NCKAP1: variants seen among roughly 807,000 people sequenced by gnomAD.
NCKAP1 encodes the protein nck-associated protein 1.
A neutral mutation model predicts 151.2 loss-of-function variants in NCKAP1; 21 were observed. The observed-to-expected ratio is 0.14, with a 90% CI of 0.10 to 0.20. The LOEUF is 0.20. Among genes scored for constraint, NCKAP1 ranks in the 10% least tolerant of loss-of-function variants. The pLI is 1.00. For missense variants in NCKAP1, 933 were observed against 1,352.1 expected (o/e 0.69, Z 4.86); for synonymous variants, 484 against 451.8 (o/e 1.07, Z -0.90).
intron 15 of NCKAP1, among the ~76,000 whole-genome samples, chr2:182,971,122 C>T (rs934571593): frequency 3.3e-5 from 5 of 152,144 alleles, no homozygotes; most frequent in South Asian, 2.1e-4. Context: ...CGGCCGGGCG[C>T]GGTGGCTCAC....
At chr2:182,931,301 T>C (rs1559070401) in intron 26 of NCKAP1, among the ~76,000 whole-genome samples, 3 of 152,114 alleles carry the variant, frequency 2.0e-5, no homozygotes, top group Non-Finnish European at 2.9e-5. Context: ...AATTTTTCTG[T>C]ATCACATATA....
chr2:183,037,702 C>T (rs1699130341), intron 1 of NCKAP1, among the ~76,000 whole-genome samples: 1 of 152,196 alleles, frequency 6.6e-6, no homozygotes, highest in Non-Finnish European at 1.5e-5. Flanking sequence ...GGACAGCTCC[C>T]GGCTCCCAGC....
At chr2:182,984,035 A>G (rs1164645079) in intron 10 of NCKAP1, among the ~76,000 whole-genome samples, 1 of 138,108 alleles carries the variant, frequency 7.2e-6, no homozygotes, top group East Asian at 2.3e-4. Context: ...CACCTCAAAA[A>G]AAAAAAAAAA....
At position 182,916,190 on chromosome 2, in the gene NCKAP1, A is replaced by G. The variant is rs959432507; in HGVS notation, c.*9512T>C. 5 of 151,528 alleles carry G rather than the reference A, an allele frequency of 3.3e-5. No individual in the cohort carries two copies. Among genetic ancestry groups the G allele is most frequent in the African/African-American group, 1.2e-4 (5 of 41,272 alleles). 9.4% of individuals were successfully genotyped at this position (151,528 alleles called of 1,614,324 possible). Reference sequence around the variant, plus strand: ...CTGTCAAAAAAAAAAAAAAAAAAAAAACATGTCTCTGTGTCATCACTGAGC... The same window carrying G: ...CTGTCAAAAAAAAAAAAAAAAAAAAGACATGTCTCTGTGTCATCACTGAGC... On this transcript the variant is annotated 3_prime_UTR_variant, in exon 31 of 31. Coordinates refer to ENST00000361354, the MANE Select transcript of NCKAP1 (RefSeq NM_013436.5).
chr2:182,916,216 T>G lies in NCKAP1; in HGVS notation c.*9486A>C, dbSNP rs1178819403. The G allele has an allele frequency of 6.8e-6, 1 of 147,640 alleles. No homozygotes were observed. The highest frequency in any genetic ancestry group is 6.8e-5 in the Admixed American group (1 of 14,802). The allele number at this position is 147,640 out of a possible 1,614,324, so 9.1% of individuals were successfully genotyped here. A position where few individuals can be genotyped will look rare whatever the true frequency, so the allele number is the denominator to read the frequency against. ...ACATGTCTCTGTGTCATCACTGAGC[T>G]GCTGCTATTACAGGTGTAGAAATCC... On this transcript the variant is annotated 3_prime_UTR_variant, in exon 31 of 31. Transcript: ENST00000361354.
In NCKAP1 at chr2:182,919,395, T is replaced by C. The variant is rs1696514941; in HGVS notation, c.*6307A>G. ...TTTGCAAGATCTAACAGTTAAATGG[T>C]TAAATGACTACCTACTTCAATGTGC... On this transcript the variant is annotated 3_prime_UTR_variant, in exon 31 of 31. Transcript: ENST00000361354. 6.6e-6 allele frequency: 1 copy of C among 152,194 alleles called. No individual in the cohort carries two copies. The allele number at this position is 152,194 out of a possible 1,614,324, so 9.4% of individuals were successfully genotyped here.
rs77528039 is a variant in NCKAP1 at position 182,973,185 on chromosome 2, T to A, written c.1482+3708A>T. Reference sequence around the variant, plus strand: ...TACAACTATTATGTATTCATAAAAATTTAAAATTAAAAAAATTAAATCAGA... The same window carrying A: ...TACAACTATTATGTATTCATAAAAAATTAAAATTAAAAAAATTAAATCAGA... On this transcript the variant is annotated intron_variant, in intron 15 of 30. Transcript: ENST00000361354. Among the ~76,000 whole-genome samples the A allele has an allele frequency of 2.8e-4, 42 of 152,106 alleles. No individual in the cohort carries two copies. The East Asian group carries it at 6.6e-3, about 24-fold the overall frequency.
intron 2 of NCKAP1, among the ~76,000 whole-genome samples, chr2:183,018,021 G>C (rs1437537067): frequency 6.6e-6 from 1 of 152,168 alleles, no homozygotes; most frequent in East Asian, 1.9e-4. Context: ...GGCTGGGGCG[G>C]ACGGATTGCC....
chr2:183,000,748 T>A (rs964225380), intron 6 of NCKAP1, among the ~76,000 whole-genome samples: 1 of 152,124 alleles, frequency 6.6e-6, no homozygotes, highest in Non-Finnish European at 1.5e-5. Context: ...AGAATTTTCA[T>A]GGGAGTAAAA....
intron 2 of NCKAP1, among the ~76,000 whole-genome samples, chr2:183,007,120 G>A (rs902899930): frequency 1.3e-5 from 2 of 152,084 alleles, no homozygotes; most frequent in African/African-American, 4.8e-5. Flanking sequence ...TGATCCTCCC[G>A]CCTCGGCCTC....
chr2:183,024,810 G>C (rs1055077290), intron 1 of NCKAP1, among the ~76,000 whole-genome samples: 9 of 152,050 alleles, frequency 5.9e-5, no homozygotes, highest in Non-Finnish European at 7.4e-5. Flanking sequence ...GTGTCCTTTG[G>C]AAAGTTACAT....
At chr2:182,936,537 A>G (rs549278707) in intron 24 of NCKAP1, among the ~76,000 whole-genome samples, 1 of 152,282 alleles carries the variant, frequency 6.6e-6, no homozygotes, top group South Asian at 2.1e-4. Context: ...AAATTTCTGG[A>G]AAGAGATGTA....
intron 19 of NCKAP1, 30 bp downstream of exon 19, chr2:182,957,427 C>G (rs1475569553): frequency 3.8e-6 from 6 of 1,584,168 alleles, no homozygotes; most frequent in East Asian, 4.5e-5. Context: ...TTACCTGGAG[C>G]AAAAAGGTAT....
chr2:182,950,866 T>A (rs1054271490), intron 23 of NCKAP1, among the ~76,000 whole-genome samples: 2 of 152,108 alleles, frequency 1.3e-5, no homozygotes, highest in African/African-American at 4.8e-5. Context: ...AGAGTCTCAC[T>A]CTGTCATGCA....
intron 8 of NCKAP1, among the ~76,000 whole-genome samples, chr2:182,990,027 G>A (rs537445123): frequency 6.6e-6 from 1 of 150,392 alleles, no homozygotes; most frequent in African/African-American, 2.4e-5. Flanking sequence ...TATATAATAT[G>A]CATACATACA....
In NCKAP1 at chr2:183,038,045, T is replaced by C. The variant is rs764799282; in HGVS notation, c.55A>G (p.Ile19Val). ...SQQKLAEKLTILNDRGVGMLT... is the reference protein window; with the variant it reads ...SQQKLAEKLTVLNDRGVGMLT... ...ATGCCGACGCCCCGGTCGTTGAGGA[T>C]GGTGAGCTTCTCCGCCAGCTTCTGC... Residue 19 changes from isoleucine to valine, a missense_variant, in exon 1 of 31, where the codon ATC (isoleucine) becomes GTC (valine). Transcript: ENST00000361354. The C allele has an allele frequency of 5.0e-6, 8 of 1,587,812 alleles. No individual in the cohort carries two copies. Among genetic ancestry groups the C allele is most frequent in the South Asian group, 1.1e-5 (1 of 89,432 alleles).
intron 23 of NCKAP1, among the ~76,000 whole-genome samples, chr2:182,950,917 C>T (rs1191943209): frequency 6.6e-6 from 1 of 152,028 alleles, no homozygotes; most frequent in African/African-American, 2.4e-5. Context: ...ACTGCAACCT[C>T]CGCCTCCCGG....
At chr2:182,998,861 G>GGAA (rs1466050697) in intron 6 of NCKAP1, among the ~76,000 whole-genome samples, 2 of 145,582 alleles carry the variant, frequency 1.4e-5, no homozygotes, top group Admixed American at 1.4e-4. Context: ...AAAAAAAGGG[G>GGAA]GGAAGGAAGG....
Position 182,914,242 on chromosome 2 carries a change from G to A in NCKAP1, c.*11460C>T, listed in dbSNP as rs1052185360. 1 of 152,102 alleles carries A rather than the reference G, an allele frequency of 6.6e-6. No homozygotes were observed. 9.4% of individuals were successfully genotyped at this position (152,102 alleles called of 1,614,324 possible). A position where few individuals can be genotyped will look rare whatever the true frequency, so the allele number is the denominator to read the frequency against. ...GTCCTCAGTATCTAGCACATAGTAG[G>A]TATTTTAAAAACTATATTCATTGAA... On this transcript the variant is annotated 3_prime_UTR_variant, in exon 31 of 31. Coordinates refer to ENST00000361354, the MANE Select transcript of NCKAP1 (RefSeq NM_013436.5).
Sources: gnomAD v4.1 joint callset for allele counts (sites outside exome capture counted in the v4.1 genomes callset) on GRCh38, gnomAD v4.1.1 for gene constraint, MANE v1.5 for transcripts, NCBI Gene and HGNC (gene_info 2026-07-23, HGNC 2026-07-21) for gene names.